The following TDRKH variants were observed in gnomAD, a reference collection of about 807,000 sequenced individuals.
TDRKH encodes the protein tudor and KH domain-containing protein.
Under a neutral mutation model 61.3 loss-of-function variants are expected in TDRKH, and 28 were observed. That is an observed-to-expected ratio of 0.46 (90% CI 0.34 to 0.63). TDRKH has a LOEUF of 0.63. Among genes scored for constraint, TDRKH ranks in the 20% least tolerant of loss-of-function variants. The pLI is 0.01. For synonymous variants in TDRKH, 219 were observed against 244.4 expected, an observed-to-expected ratio of 0.90 and a Z score of 0.97; for missense variants, 540 against 683.4, an observed-to-expected ratio of 0.79 and a Z score of 2.34.
At chr1:151,770,425 CAAGTTACAACTGGACTCTGAGG>C, downstream of TDRKH, 1 of 970,908 alleles carries the variant, frequency 1.0e-6, no homozygotes, top group South Asian at 1.7e-5. Context: ...CTTGTTCCAT[CAAGTTACAACTGGACTCTGAGG>C]AAGCCCCTGC....
chr1:151,767,992 G>T, downstream of TDRKH: 1 of 1,588,620 alleles, frequency 6.3e-7, no homozygotes, highest in South Asian at 1.1e-5. Context: ...TTGCTTCAAC[G>T]GACACACCCC....
chr1:151,767,040 GC>G (rs767469755), downstream of TDRKH: 1 of 1,451,864 alleles, frequency 6.9e-7, no homozygotes, highest in Non-Finnish European at 9.4e-7. Context: ...ATCTGGTTGG[GC>G]CCAGGAACAT....
chr1:151,779,382 A>C, intron 4 of TDRKH, 140 bp from the exon 5 acceptor site: 1 of 1,160,998 alleles, frequency 8.6e-7, no homozygotes, highest in Non-Finnish European at 1.2e-6. Context: ...TGTTGAATGG[A>C]AATCAGGAGC....
chr1:151,775,931 T>G, intron 8 of TDRKH, 47 bp from the exon 9 acceptor site: 1 of 1,599,852 alleles, frequency 6.3e-7, no homozygotes, highest in South Asian at 1.1e-5. Context: ...CAAAAACATC[T>G]TCTTACATTG....
intron 4 of TDRKH, among the ~76,000 whole-genome samples, chr1:151,779,489 T>C (rs1349001263): frequency 6.6e-6 from 1 of 152,246 alleles, no homozygotes; most frequent in East Asian, 1.9e-4. Context: ...GTCATTTTCA[T>C]TTTGACCACT....
chr1:151,778,697 G>C lies in TDRKH; in HGVS notation c.871C>G (p.Pro291Ala). Residue 291 changes from proline to alanine, a missense_variant, in exon 6 of 13, where the codon CCC becomes GCC. Pro to Ala is a conservative substitution (Grantham distance 27, BLOSUM62 -1). This residue lies in a region of TDRKH where 379 missense variants were observed against 443.8 expected (regional missense o/e 0.85). Transcript: ENST00000368824. The part of the protein sequence containing the change: ...KSEAQAIPEM[P>A]MFEIPSPDFS... ...CTTTGTTACATACTTTCAAACATGG[G>C]CATCTCTGGGATGGCCTGGGCTTCA... The C allele has an allele frequency of 3.7e-6, 6 of 1,612,318 alleles. No individual in the cohort carries two copies. Among genetic ancestry groups the C allele is most frequent in the Non-Finnish European group, 5.1e-6 (6 of 1,179,286 alleles).
Position 151,779,007 on chromosome 1 carries a change from C to T in TDRKH, c.562-1G>A. On this transcript the variant is annotated splice_acceptor_variant, in intron 5 of 12. Coordinates refer to ENST00000368824, the MANE Select transcript of TDRKH (RefSeq NM_001083965.2). LOFTEE classifies it high-confidence loss of function. ...CTGAAACTTTCTCCAGTATCAAATG[C>T]TGTGGAAAACAAGAGAAAGGATGAT... The T allele has an allele frequency of 1.2e-6, 2 of 1,613,002 alleles. No individual in the cohort carries two copies. Among genetic ancestry groups the T allele is most frequent in the Non-Finnish European group, 1.7e-6 (2 of 1,179,288 alleles).
In TDRKH at chr1:151,779,017, C is replaced by T; in HGVS notation, c.562-11G>A. 1 of 1,612,602 alleles carries T rather than the reference C, an allele frequency of 6.2e-7. No homozygotes were observed. The highest frequency in any genetic ancestry group is 1.1e-5 in the South Asian group (1 of 91,002). On this transcript the variant is annotated splice_polypyrimidine_tract_variant and intron_variant, in intron 5 of 12. Transcript: ENST00000368824. ...CTCCAGTATCAAATGCTGTGGAAAA[C>T]AAGAGAAAGGATGATATTCTGACCT...
chr1:151,781,531 G>A lies in TDRKH; in HGVS notation c.181C>T (p.Gln61Ter), dbSNP rs749481250. Residue 61 changes from glutamine to a stop codon, truncating the protein, a stop_gained, in exon 3 of 13, where the codon CAG (glutamine) becomes TAG (stop). Coordinates refer to ENST00000368824, the MANE Select transcript of TDRKH (RefSeq NM_001083965.2). LOFTEE classifies it high-confidence loss of function. Reference protein sequence around the residue: ...DDIEIEMRVPQEAVKLIIGRQ... With the variant: ...DDIEIEMRVP Reference sequence around the variant, plus strand: ...CCAATGATGAGTTTCACAGCCTCCTGGGGAACCCGCATCTCTATCTCAATG... The same window carrying A: ...CCAATGATGAGTTTCACAGCCTCCTAGGGAACCCGCATCTCTATCTCAATG... The A allele has an allele frequency of 3.7e-6, 6 of 1,613,306 alleles. No individual in the cohort carries two copies. Among genetic ancestry groups the A allele is most frequent in the Non-Finnish European group, 2.5e-6 (3 of 1,179,758 alleles).
At chr1:151,769,634 G>A, downstream of TDRKH, 1 of 232,010 alleles carries the variant, frequency 4.3e-6, no homozygotes, top group Non-Finnish European at 8.6e-6. Flanking sequence ...CAGACGATGG[G>A]CGGCCAGGCA....
rs1383406560 is a variant in TDRKH, at chr1:151,776,644, G to A, written c.884-45C>T. 3 of 1,601,192 alleles carry A rather than the reference G, an allele frequency of 1.9e-6. No individual in the cohort carries two copies. In the South Asian group the frequency reaches 3.3e-5, roughly 18 times the overall value. On this transcript the variant is annotated intron_variant, in intron 6 of 12. Transcript: ENST00000368824. ...TGGTGGCCACATCAGACCCATCTCT[G>A]GTTGGAATGAAGAGACTAACCAGGG...
In TDRKH at chr1:151,778,744, C is replaced by T; in HGVS notation, c.824G>A (p.Ser275Asn). Reference protein sequence around the residue: ...VSKEGSWEKPSDDSFQKSEAQ... With the variant: ...VSKEGSWEKPNDDSFQKSEAQ... Reference sequence around the variant, plus strand: ...TTCAGACTTCTGAAAGCTGTCATCACTAGGTTTCTCCCAGGAACCTTCCTT... The same window carrying T: ...TTCAGACTTCTGAAAGCTGTCATCATTAGGTTTCTCCCAGGAACCTTCCTT... Residue 275 changes from serine (S) to asparagine (N), a missense_variant, in exon 6 of 13, where the codon AGT (serine) becomes AAT (asparagine). Ser to Asn is a conservative substitution (Grantham distance 46). This residue lies in a region of TDRKH where 379 missense variants were observed against 443.8 expected (regional missense o/e 0.85). Transcript: ENST00000368824. 1 of 1,614,228 alleles carries T rather than the reference C, an allele frequency of 6.2e-7. No homozygotes were observed. The highest frequency in any genetic ancestry group is 8.5e-7 in the Non-Finnish European group (1 of 1,180,044).
chr1:151,787,486 G>A (rs565422674), intron 1 of TDRKH, among the ~76,000 whole-genome samples: 1 of 152,134 alleles, frequency 6.6e-6, no homozygotes, highest in East Asian at 1.9e-4. Flanking sequence ...CAAAGTGCTG[G>A]GATTACAGGC....
chr1:151,781,324 A>ATATATATAT (rs1558145922), intron 3 of TDRKH, among the ~76,000 whole-genome samples, 157 bp downstream of exon 3: 1 of 18,828 alleles, frequency 5.3e-5, no homozygotes, highest in African/African-American at 8.1e-5. Context: ...TCTCAAAAAA[A>ATATATATAT]AAAAATATAT....
rs145827104 is a variant in TDRKH, at chr1:151,779,807, A to G, written c.421+144T>C. On this transcript the variant is annotated intron_variant, in intron 4 of 12. Transcript: ENST00000368824. ...GTTTGGTTTTACCACCAGTTCTACA[A>G]ACAGTAAACCTCTGGTCTCAATGTC... The G allele has an allele frequency of 1.2e-3, 978 of 791,236 alleles. 6 individuals are homozygous for G. In the African/African-American group the frequency reaches 0.015, roughly 12 times the overall value. 49.0% of individuals were successfully genotyped at this position (791,236 alleles called of 1,614,324 possible). A position where few individuals can be genotyped will look rare whatever the true frequency, so the allele number is the denominator to read the frequency against.
At chr1:151,771,097 A>T, downstream of TDRKH, 1 of 1,598,904 alleles carries the variant, frequency 6.3e-7, no homozygotes, top group African/African-American at 1.3e-5. Context: ...GCGGGCCTTC[A>T]GCTACATGGG....
intron 2 of TDRKH, 115 bp downstream of exon 2, chr1:151,782,782 CAA>C: frequency 2.2e-6 from 3 of 1,385,942 alleles, no homozygotes; most frequent in Non-Finnish European, 2.8e-6. Context: ...AAAAACCCCA[CAA>C]AAAACCCCAA....
chr1:151,775,164 T>C lies in TDRKH; in HGVS notation c.1437A>G (p.Lys479=), dbSNP rs1299589322. Residue 479 remains lysine, a splice_region_variant and synonymous_variant, in exon 11 of 13, where the codon AAA becomes AAG. Transcript: ENST00000368824. The part of the protein sequence containing the change: ...IYLYDTSNGK[K]LDIGLELVHK... The stretch of plus-strand genomic sequence containing the variant: ...GTACTAATTCTAGCCCAATATCAAG[T>C]TTCTGAGAAGAAAAATGAAAAGGGA... 9 of 1,613,978 alleles carry C rather than the reference T, an allele frequency of 5.6e-6. No individual in the cohort carries two copies. The highest frequency in any genetic ancestry group is 7.6e-6 in the Non-Finnish European group (9 of 1,179,964).
chr1:151,787,041 GTATTA>G (rs1243203120), intron 1 of TDRKH, among the ~76,000 whole-genome samples: 1 of 152,108 alleles, frequency 6.6e-6, no homozygotes, highest in Non-Finnish European at 1.5e-5. Context: ...AGTTTGGATG[GTATTA>G]TATAAGCATC....
Sources: allele counts gnomAD v4.1 joint callset (sites outside exome capture counted in the v4.1 genomes callset), GRCh38; gene constraint gnomAD v4.1.1; regional missense constraint gnomAD v4.1.1; transcripts MANE v1.5; gene names NCBI Gene and HGNC (gene_info 2026-07-23, HGNC 2026-07-21).